SND1: variants seen among roughly 807,000 people sequenced by gnomAD.
SND1 encodes staphylococcal nuclease domain-containing protein 1.
In SND1, 38 loss-of-function variants were observed where a neutral mutation model predicts 121.7. That is an observed-to-expected ratio of 0.31 (90% CI 0.24 to 0.41). The LOEUF (loss-of-function observed/expected upper bound fraction) is 0.41. Among genes scored for constraint, SND1 ranks in the 10% least tolerant of loss-of-function variants. SND1 has a pLI of 1.00. For synonymous variants in SND1, 401 were observed against 447.4 expected, an observed-to-expected ratio of 0.90 and a Z score of 1.31; for missense variants, 868 against 1,184.6, an observed-to-expected ratio of 0.73 and a Z score of 3.92.
chr7:127,705,000 GA>G, intron 8 of SND1, 55 bp downstream of exon 8: 1 of 1,444,222 alleles, frequency 6.9e-7, no homozygotes, highest in Non-Finnish European at 9.7e-7. Context: ...GATCTTTAGG[GA>G]AAGAAATCTG....
At position 128,092,143 on chromosome 7, in the gene SND1, G is replaced by A. The variant is rs759609366; in HGVS notation, c.*85G>A. 1.4e-4 allele frequency: 199 copies of A among 1,382,684 alleles called. 1 individual carries two copies. Among genetic ancestry groups the A allele is most frequent in the Non-Finnish European group, 1.8e-4 (175 of 975,006 alleles). The allele number at this position is 1,382,684 out of a possible 1,614,324, so 85.7% of individuals were successfully genotyped here. On this transcript the variant is annotated 3_prime_UTR_variant, in exon 24 of 24. Transcript: ENST00000354725. The surrounding 1 kb of genome is among the most constrained non-coding windows in gnomAD (Gnocchi z 4.9). ...AGGGTGTTTTCAACTCCAAACCCCAGAGAGGGGTTGTAGATTGGGTCCAGC... is the reference window on the plus strand; with the variant it reads ...AGGGTGTTTTCAACTCCAAACCCCAAAGAGGGGTTGTAGATTGGGTCCAGC...
At chr7:127,732,244 A>G (rs751368633) in intron 10 of SND1, among the ~76,000 whole-genome samples, 3 of 152,198 alleles carry the variant, frequency 2.0e-5, no homozygotes, top group Non-Finnish European at 2.9e-5. Context: ...CTGCTACTTT[A>G]GTTGTCATCT....
intron 10 of SND1, among the ~76,000 whole-genome samples, chr7:127,723,930 GA>G (rs1247666589): frequency 1.3e-5 from 2 of 152,102 alleles, no homozygotes; most frequent in Non-Finnish European, 2.9e-5. Flanking sequence ...TTTTAAAACT[GA>G]ATATTTGAAA....
chr7:127,983,518 C>A (rs76792166), intron 15 of SND1, among the ~76,000 whole-genome samples: 1 of 152,068 alleles, frequency 6.6e-6, no homozygotes, highest in African/African-American at 2.4e-5. Context: ...CTGTCCACCC[C>A]CTACATCTGC....
At chr7:127,818,841 AAGAAAGGAAGGG>A (rs1353566403) in intron 11 of SND1, among the ~76,000 whole-genome samples, 1 of 152,236 alleles carries the variant, frequency 6.6e-6, no homozygotes, top group African/African-American at 2.4e-5. Flanking sequence ...TAAAGAATGG[AAGAAAGGAAGGG>A]AGAAAGTCAC....
chr7:127,823,935 T>C (rs1393587895), intron 11 of SND1, among the ~76,000 whole-genome samples: 1 of 152,234 alleles, frequency 6.6e-6, no homozygotes, highest in African/African-American at 2.4e-5. Flanking sequence ...TTTGTTGTGA[T>C]TTATGTTATA....
At chr7:128,090,144 G>T (rs1386894467) in intron 22 of SND1, among the ~76,000 whole-genome samples, 1 of 150,604 alleles carries the variant, frequency 6.6e-6, no homozygotes, top group Non-Finnish European at 1.5e-5. Flanking sequence ...CAACCCTCTG[G>T]CTATTTGGAA....
At position 127,686,742 on chromosome 7, in the gene SND1, GC is replaced by G; in HGVS notation, c.209del (p.Ala70GlufsTer21). The G allele has an allele frequency of 6.2e-7, 1 of 1,614,022 alleles. No homozygotes were observed. Among genetic ancestry groups the G allele is most frequent in the East Asian group, 2.2e-5 (1 of 44,888 alleles). ...ARRAAATQPDAKDTPDEPWAF... is the reference protein window; with the variant it reads ...ARRAAATQPDXKDTPDEPWAF... ...CCGGGCAGCCGCCACACAACCTGAT[GC>G]AAAGGATACCCCTGATGAGGTAGGT... On this transcript the variant is annotated frameshift_variant, in exon 2 of 24. Transcript: ENST00000354725. LOFTEE classifies it high-confidence loss of function.
intron 10 of SND1, among the ~76,000 whole-genome samples, chr7:127,774,224 T>G (rs570748857): frequency 4.6e-5 from 7 of 152,314 alleles, no homozygotes; most frequent in African/African-American, 1.7e-4. Flanking sequence ...TTCAAGACAG[T>G]GATATAAATG....
intron 10 of SND1, among the ~76,000 whole-genome samples, chr7:127,770,419 G>A (rs1479437506): frequency 6.6e-6 from 1 of 152,192 alleles, no homozygotes; most frequent in Non-Finnish European, 1.5e-5. Context: ...CTGGTACTAA[G>A]GATAAATAGC....
intron 15 of SND1, among the ~76,000 whole-genome samples, chr7:127,952,135 C>T (rs1554447057): frequency 6.6e-6 from 1 of 152,188 alleles, no homozygotes; most frequent in Non-Finnish European, 1.5e-5. Context: ...ATTGTATCCC[C>T]ACCTAGCAGT....
chr7:127,711,559 A>G (rs1039088546), intron 9 of SND1, among the ~76,000 whole-genome samples: 7 of 152,102 alleles, frequency 4.6e-5, no homozygotes, highest in Admixed American at 6.5e-5. Context: ...TAGTGTTCCA[A>G]CATTTCATAG....
intron 12 of SND1, among the ~76,000 whole-genome samples, chr7:127,865,263 C>T (rs1799447684): frequency 6.6e-6 from 1 of 152,230 alleles, no homozygotes; most frequent in Non-Finnish European, 1.5e-5. Context: ...TACTAAGTTA[C>T]AGGACCTCTG....
At chr7:127,808,052 ATTC>A (rs1798267758) in intron 11 of SND1, among the ~76,000 whole-genome samples, 1 of 150,802 alleles carries the variant, frequency 6.6e-6, no homozygotes, top group Admixed American at 6.6e-5. Context: ...TGCTCCCTCT[ATTC>A]TTCTGGCTGG....
Position 127,863,814 on chromosome 7 carries a change from G to A in SND1, c.1343+19390G>A, listed in dbSNP as rs73465831. On this transcript the variant is annotated intron_variant, in intron 12 of 23. Transcript: ENST00000354725. The stretch of plus-strand genomic sequence containing the variant: ...AGCTATTCAGCTCTGCCTTTGTAGC[G>A]GTAAAGCAGCCATAGATGATGTGCA... 3.3e-3 allele frequency among the ~76,000 whole-genome samples: 498 copies of A among 152,288 alleles called. 2 individuals carry two copies. The highest frequency in any genetic ancestry group is 0.011 in the African/African-American group (438 of 41,568).
At chr7:127,684,201 C>G (rs987960267) in intron 1 of SND1, among the ~76,000 whole-genome samples, 11 of 152,332 alleles carry the variant, frequency 7.2e-5, no homozygotes, top group African/African-American at 1.7e-4. Context: ...GCTTGCTTAT[C>G]AGAGTTCACC....
chr7:127,992,578 T>C (rs1802545679), intron 16 of SND1, among the ~76,000 whole-genome samples: 1 of 152,240 alleles, frequency 6.6e-6, no homozygotes, highest in African/African-American at 2.4e-5. Context: ...AGGAAATCCC[T>C]TCATTAGATT....
chr7:127,744,682 A>G (rs1209781732), intron 10 of SND1, among the ~76,000 whole-genome samples: 2 of 152,240 alleles, frequency 1.3e-5, no homozygotes, highest in African/African-American at 2.4e-5. Context: ...TGTACTTGCT[A>G]AAGTCCCTTG....
chr7:127,923,582 T>C lies in SND1; in HGVS notation c.1528-5606T>C, dbSNP rs76534383. Among the ~76,000 whole-genome samples, 895 of 152,328 alleles carry C rather than the reference T, an allele frequency of 5.9e-3. 16 individuals are homozygous for C. Among genetic ancestry groups the C allele is most frequent in the African/African-American group, 0.021 (853 of 41,580 alleles). On this transcript the variant is annotated intron_variant, in intron 14 of 23. Coordinates refer to ENST00000354725, the MANE Select transcript of SND1 (RefSeq NM_014390.4). Reference sequence around the variant, plus strand: ...GAGATGATCATGCTGTATAACTGGCTCTTCATCGAATCATAAACTCATTCT... The same window carrying C: ...GAGATGATCATGCTGTATAACTGGCCCTTCATCGAATCATAAACTCATTCT...
Sources: allele counts gnomAD v4.1 joint callset (sites outside exome capture counted in the v4.1 genomes callset), GRCh38; gene constraint gnomAD v4.1.1; non-coding constraint Gnocchi (gnomAD v3.1); transcripts MANE v1.5; gene names NCBI Gene and HGNC (gene_info 2026-07-23, HGNC 2026-07-21).